The following SENP7 variants were observed in gnomAD, a reference collection of about 807,000 sequenced individuals.
SENP7 encodes the protein sentrin-specific protease 7.
SENP7 carries 64 observed loss-of-function variants against 141.2 expected under a neutral mutation model. That is an observed-to-expected ratio of 0.45 (90% CI 0.37 to 0.56). The LOEUF (loss-of-function observed/expected upper bound fraction) is 0.56. Among genes scored for constraint, SENP7 ranks in the 20% least tolerant of loss-of-function variants. The pLI is 0.00. For missense variants in SENP7, 1,025 were observed against 1,212.2 expected, an observed-to-expected ratio of 0.85 and a Z score of 2.29; for synonymous variants, 382 against 426.4, an observed-to-expected ratio of 0.90 and a Z score of 1.28.
intron 1 of SENP7, among the ~76,000 whole-genome samples, chr3:101,509,933 AG>A (rs2065780532): frequency 6.6e-6 from 1 of 152,208 alleles, no homozygotes; most frequent in African/African-American, 2.4e-5. Context: ...AAGTTTGTGA[AG>A]TTCTTAGCAC....
rs2065940539 is a variant in SENP7, at chr3:101,513,210, A to G, written c.-80T>C. ...GGCTTGGAGAGGGAGGGGGAGGGGA[A>G]AGGAAAAAAAAAAAAAAAAAAAAAA... On this transcript the variant is annotated 5_prime_UTR_variant, in exon 1 of 24. Coordinates refer to ENST00000394095, the MANE Select transcript of SENP7 (RefSeq NM_020654.5). 1.5e-5 allele frequency: 3 copies of G among 203,916 alleles called. No individual in the cohort carries two copies. The highest frequency in any genetic ancestry group is 5.6e-5 in the African/African-American group (1 of 18,012). 12.6% of individuals were successfully genotyped at this position (203,916 alleles called of 1,614,324 possible). A position where few individuals can be genotyped will look rare whatever the true frequency, so the allele number is the denominator to read the frequency against.
At chr3:101,397,139 G>A (rs909150000) in intron 6 of SENP7, among the ~76,000 whole-genome samples, 1 of 151,768 alleles carries the variant, frequency 6.6e-6, no homozygotes, top group African/African-American at 2.4e-5. Flanking sequence ...CACCATACCC[G>A]GCTGTTGTTT....
intron 4 of SENP7, among the ~76,000 whole-genome samples, chr3:101,437,434 G>A (rs1014008201): frequency 1.5e-4 from 23 of 152,192 alleles, no homozygotes; most frequent in African/African-American, 4.6e-4. Flanking sequence ...TCTCCATGAC[G>A]TGCTTATTTC....
At chr3:101,444,882 T>G (rs1278111805) in intron 4 of SENP7, among the ~76,000 whole-genome samples, 2 of 151,110 alleles carry the variant, frequency 1.3e-5, no homozygotes, top group Non-Finnish European at 2.9e-5. Flanking sequence ...CCCTAAAACT[T>G]AAAGTATAAT....
chr3:101,378,881 A>G (rs2060415293), intron 6 of SENP7, among the ~76,000 whole-genome samples: 1 of 152,202 alleles, frequency 6.6e-6, no homozygotes, highest in African/African-American at 2.4e-5. Flanking sequence ...TGCAAGTAAG[A>G]ACACTGTGGA....
At chr3:101,333,643 A>G (rs2059113202) in intron 17 of SENP7, among the ~76,000 whole-genome samples, 1 of 152,230 alleles carries the variant, frequency 6.6e-6, no homozygotes, top group South Asian at 2.1e-4. Flanking sequence ...TTCATACACA[A>G]GGAAACTACA....
intron 6 of SENP7, 28 bp downstream of exon 6, chr3:101,398,833 T>TTTTGAGTATATTGAGTA (rs1217030748): frequency 1.4e-6 from 2 of 1,426,816 alleles, no homozygotes; most frequent in Admixed American, 2.2e-5. Context: ...AATATAATTA[T>TTTTGAGTATATTGAGTA]TTTGAGTAAA....
chr3:101,437,375 G>C (rs563987816), intron 4 of SENP7, among the ~76,000 whole-genome samples: 1 of 152,186 alleles, frequency 6.6e-6, no homozygotes, highest in South Asian at 2.1e-4. Flanking sequence ...AATGTAACTG[G>C]ATTGTTCATA....
chr3:101,368,068 T>C, intron 7 of SENP7, 57 bp from the exon 8 acceptor site: 2 of 1,374,246 alleles, frequency 1.5e-6, no homozygotes, highest in Non-Finnish European at 1.0e-6. Flanking sequence ...GAATCTCTTT[T>C]AGAAAAGCTC....
chr3:101,386,483 T>C (rs903229895), intron 6 of SENP7, among the ~76,000 whole-genome samples: 12 of 152,080 alleles, frequency 7.9e-5, no homozygotes, highest in African/African-American at 2.7e-4. Context: ...TGCAACGCAG[T>C]ACCATTTTGA....
chr3:101,473,019 T>C (rs751041862), intron 3 of SENP7, among the ~76,000 whole-genome samples: 21 of 152,232 alleles, frequency 1.4e-4, no homozygotes, highest in Non-Finnish European at 2.8e-4. Flanking sequence ...TTTGGTTTTC[T>C]GTCCTCCATT....
intron 3 of SENP7, among the ~76,000 whole-genome samples, chr3:101,479,460 G>C (rs1576477386): frequency 6.6e-6 from 1 of 152,048 alleles, no homozygotes; most frequent in Admixed American, 6.6e-5. Flanking sequence ...ATAAAAATTA[G>C]CCAGGCATGA....
chr3:101,390,478 G>A (rs980730808), intron 6 of SENP7, among the ~76,000 whole-genome samples: 21 of 152,006 alleles, frequency 1.4e-4, no homozygotes, highest in Non-Finnish European at 2.4e-4. Flanking sequence ...TCCTTTTGTA[G>A]ACTTTAAGTC....
chr3:101,334,213 C>T (rs2059128285), intron 17 of SENP7, among the ~76,000 whole-genome samples: 1 of 152,136 alleles, frequency 6.6e-6, no homozygotes, highest in Admixed American at 6.5e-5. Flanking sequence ...GAGACAGCCA[C>T]CTTGAACAGG....
At chr3:101,490,390 G>A (rs1001318686) in intron 3 of SENP7, among the ~76,000 whole-genome samples, 1 of 152,238 alleles carries the variant, frequency 6.6e-6, no homozygotes, top group South Asian at 2.1e-4. Flanking sequence ...TACATATTAT[G>A]TGATTCCATT....
chr3:101,379,628 G>C (rs544899524), intron 6 of SENP7, among the ~76,000 whole-genome samples: 3 of 152,204 alleles, frequency 2.0e-5, no homozygotes, highest in African/African-American at 7.2e-5. Flanking sequence ...ATCACAATGA[G>C]ATTCCACCTC....
At chr3:101,397,977 A>G (rs980804930) in intron 6 of SENP7, among the ~76,000 whole-genome samples, 2 of 152,200 alleles carry the variant, frequency 1.3e-5, no homozygotes, top group African/African-American at 4.8e-5. Flanking sequence ...AGAGCTTAAA[A>G]CAAAGGCAAC....
intron 14 of SENP7, among the ~76,000 whole-genome samples, chr3:101,343,103 C>T (rs762415222): frequency 2.5e-4 from 38 of 152,198 alleles, no homozygotes; most frequent in African/African-American, 8.4e-4. Flanking sequence ...GTGCATGATA[C>T]GAAGGGGTGT....
chr3:101,399,903 C>T (rs898644676), intron 5 of SENP7, among the ~76,000 whole-genome samples: 4 of 152,166 alleles, frequency 2.6e-5, no homozygotes, highest in Non-Finnish European at 5.9e-5. Flanking sequence ...TGAGATTACA[C>T]GTGTGAGCCA....
Sources: allele counts gnomAD v4.1 joint callset (sites outside exome capture counted in the v4.1 genomes callset), GRCh38; gene constraint gnomAD v4.1.1; transcripts MANE v1.5; gene names NCBI Gene and HGNC (gene_info 2026-07-23, HGNC 2026-07-21).